Variants in ARR3 observed in about 807,000 individuals in gnomAD.
The protein encoded by ARR3 is arrestin 3, also known as arrestin-C.
ARR3 carries 14 observed loss-of-function variants against 35.4 expected under a neutral mutation model. The ratio of observed to expected loss-of-function variants is 0.40; its 90% CI spans 0.26 to 0.62. The LOEUF is 0.62. ARR3 is among the 20% of genes least tolerant of loss of function. ARR3 has a pLI of 0.46. For synonymous variants in ARR3, 97 were observed against 119.1 expected, an observed-to-expected ratio of 0.81 and a Z score of 1.21; for missense variants, 259 against 303.8, an observed-to-expected ratio of 0.85 and a Z score of 1.10.
At chrX:70,272,677 C>G (rs1263641512) in intron 5 of ARR3, among the ~76,000 whole-genome samples, 1 of 111,898 alleles carries the variant, frequency 8.9e-6, no homozygotes, top group Admixed American at 9.5e-5. Context: ...AAATTGCCCT[C>G]TAAAATGCTT....
Position 70,280,263 on chromosome X carries a change from T to C in ARR3, c.974T>C (p.Met325Thr), listed in dbSNP as rs764654209. 8.3e-7 allele frequency: 1 copy of C among 1,209,995 alleles called. No homozygotes were observed. The highest frequency in any genetic ancestry group is 1.7e-5 in the African/African-American group (1 of 57,638). The stretch of plus-strand genomic sequence containing the variant: ...TCCTACAAAGTCAGAGTCAACCTGA[T>C]GGTGTCCTGTGGTGGGTAAGTGAGG... Reference protein sequence around the residue: ...LVSYKVRVNLMVSCGGILGDL... With the variant: ...LVSYKVRVNLTVSCGGILGDL... The change falls in exon 13 of 17, where the codon ATG becomes ACG. Residue 325 changes from methionine (M) to threonine (T), a missense_variant. Physicochemically the swap from Met to Thr is moderately conservative, Grantham distance 81 (BLOSUM62 -1). Coordinates refer to ENST00000307959, the MANE Select transcript of ARR3 (RefSeq NM_004312.3).
intron 13 of ARR3, 90 bp downstream of exon 13, chrX:70,280,368 C>G: frequency 9.9e-7 from 1 of 1,009,655 alleles, no homozygotes; most frequent in Non-Finnish European, 1.4e-6. Flanking sequence ...TTGACCCAAT[C>G]AAACCATTCC....
At chrX:70,276,843 G>A (rs2085655487) in intron 8 of ARR3, 107 bp downstream of exon 8, 1 of 710,906 alleles carries the variant, frequency 1.4e-6, no homozygotes, top group Admixed American at 3.0e-5. Flanking sequence ...CAGCCTCATC[G>A]CCACCAGTGA....
rs774286761 is a variant in ARR3, at chrX:70,269,711, G to A, written c.39+19G>A. 7.5e-6 allele frequency: 9 copies of A among 1,202,968 alleles called. No individual in the cohort carries two copies. Among genetic ancestry groups the A allele is most frequent in the Middle Eastern group, 2.3e-4 (1 of 4,367 alleles). On this transcript the variant is annotated intron_variant, in intron 3 of 16. Transcript: ENST00000307959. ...TGGGAAGGTGAGAGAACCTGGCCCA[G>A]CTGGGCAAATGAGAGGGCAAAAGGG...
At chrX:70,279,029 C>T (rs1437415712) in intron 12 of ARR3, among the ~76,000 whole-genome samples, 1 of 112,785 alleles carries the variant, frequency 8.9e-6, no homozygotes, top group Admixed American at 9.3e-5. Flanking sequence ...GAAGAAGGAA[C>T]TCACTTAAAG....
At chrX:70,275,034 A>T (rs1602721424) in intron 5 of ARR3, among the ~76,000 whole-genome samples, 1 of 112,303 alleles carries the variant, frequency 8.9e-6, no homozygotes, top group East Asian at 2.8e-4. Context: ...AGATTTTTAG[A>T]TTATCTCCAG....
At chrX:70,275,928 C>T (rs767698064) in intron 5 of ARR3, among the ~76,000 whole-genome samples, 154 bp from the exon 6 acceptor site, 15 of 109,959 alleles carry the variant, frequency 1.4e-4, no homozygotes, top group Non-Finnish European at 2.3e-4. Context: ...CCACCCACCT[C>T]GGCCTCCCAA....
In ARR3 at chrX:70,278,556, A is replaced by G. The variant is rs779888506; in HGVS notation, c.820A>G (p.Ile274Val). The G allele has an allele frequency of 6.6e-6, 8 of 1,211,594 alleles. No individual in the cohort carries two copies. Among genetic ancestry groups the G allele is most frequent in the Non-Finnish European group, 4.5e-6 (4 of 895,304 alleles). ...CTCCCAGAGCTTTGCAGTAACCCCA[A>G]TCCTGGCTGCCAGCTGCCAGAAACG... Reference protein sequence around the residue: ...SFSQSFAVTPILAASCQKRGL... With the variant: ...SFSQSFAVTPVLAASCQKRGL... Residue 274 changes from isoleucine to valine, a missense_variant, in exon 12 of 17, where the codon ATC (isoleucine) becomes GTC (valine). By Grantham distance (29) the Ile-to-Val change is conservative (BLOSUM62 3). Coordinates refer to ENST00000307959, the MANE Select transcript of ARR3 (RefSeq NM_004312.3).
At chrX:70,278,178 TG>T (rs778259320) in intron 11 of ARR3, 40 bp downstream of exon 11, 6 of 1,083,385 alleles carry the variant, frequency 5.5e-6, no homozygotes, top group Non-Finnish European at 6.2e-6. Context: ...AGCCAAGGGG[TG>T]GGGTGGTGGG....
At chrX:70,279,322 C>A (rs1320656250) in intron 12 of ARR3, among the ~76,000 whole-genome samples, 3 of 112,400 alleles carry the variant, frequency 2.7e-5, no homozygotes, top group Non-Finnish European at 5.6e-5. Context: ...AAGTGTAATC[C>A]CTCCATCTCT....
At chrX:70,278,167 G>C (rs372441753) in intron 11 of ARR3, 29 bp downstream of exon 11, 4 of 1,177,020 alleles carry the variant, frequency 3.4e-6, no homozygotes, top group Non-Finnish European at 4.6e-6. Context: ...TAGGACCAGA[G>C]AGCCAAGGGG....
At chrX:70,281,846 C>T (rs779683389), downstream of ARR3, 113 of 812,681 alleles carry the variant, frequency 1.4e-4, no homozygotes, top group Non-Finnish European at 1.8e-4. Flanking sequence ...ATGTGCCTAG[C>T]GATCTCTTGC....
At chrX:70,273,981 C>T (rs1384356564) in intron 5 of ARR3, among the ~76,000 whole-genome samples, 1 of 109,826 alleles carries the variant, frequency 9.1e-6, no homozygotes, top group Non-Finnish European at 1.9e-5. Context: ...GTTTGCCTCC[C>T]TCCCTCCCTA....
intron 5 of ARR3, 23 bp from the exon 6 acceptor site, chrX:70,276,059 C>G (rs367572028): frequency 5.8e-6 from 7 of 1,208,000 alleles, no homozygotes; most frequent in Non-Finnish European, 7.8e-6. Context: ...TGACAGACCA[C>G]TCTCTTCCTC....
At chrX:70,275,107 G>T (rs1299291208) in intron 5 of ARR3, among the ~76,000 whole-genome samples, 1 of 112,280 alleles carries the variant, frequency 8.9e-6, no homozygotes, top group African/African-American at 3.2e-5. Context: ...CTGAACAAAA[G>T]CTCCTTTAAA....
chrX:70,276,004 C>G, intron 5 of ARR3, 78 bp from the exon 6 acceptor site: 1 of 1,068,494 alleles, frequency 9.4e-7, no homozygotes, highest in Non-Finnish European at 1.3e-6. Context: ...CATCACCTCT[C>G]TGTGTCTTCT....
In ARR3 at chrX:70,280,753, G is replaced by A; in HGVS notation, c.1014-13G>A. ...GAGAGAGGAGATGTAACTCCACCTT[G>A]GGATCCTTGCAGCGATGTTGGTGTG... is the stretch of plus-strand genomic sequence containing the variant. On this transcript the variant is annotated splice_polypyrimidine_tract_variant and intron_variant, in intron 14 of 16. Transcript: ENST00000307959. The A allele has an allele frequency of 8.3e-7, 1 of 1,211,359 alleles. No individual in the cohort carries two copies. Among genetic ancestry groups the A allele is most frequent in the Non-Finnish European group, 1.1e-6 (1 of 895,312 alleles).
rs1569219774 is a variant in ARR3, at chrX:70,269,867, G to A, written c.64G>A (p.Asp22Asn). 8.3e-7 allele frequency: 1 copy of A among 1,209,094 alleles called. No homozygotes were observed. Among genetic ancestry groups the A allele is most frequent in the Non-Finnish European group, 1.1e-6 (1 of 894,187 alleles). ...GCTCTCCATCTACCTGGGGAAACGG[G>A]ACTTCGTGGACCATGTGGACACGGT... ...GKLSIYLGKR[D>N]FVDHVDTVEP... The change falls in exon 4 of 17, where the codon GAC becomes AAC. Residue 22 changes from aspartate (D) to asparagine (N), a missense_variant. Asp to Asn is a conservative substitution (Grantham distance 23, BLOSUM62 1). Transcript: ENST00000307959.
intron 5 of ARR3, among the ~76,000 whole-genome samples, chrX:70,274,743 C>T (rs1191273513): frequency 8.9e-6 from 1 of 112,127 alleles, no homozygotes; most frequent in Admixed American, 9.4e-5. Context: ...ACATTGTGTC[C>T]TCACATGGTG....
Sources: allele counts gnomAD v4.1 joint callset (sites outside exome capture counted in the v4.1 genomes callset), GRCh38; gene constraint gnomAD v4.1.1; transcripts MANE v1.5; gene names NCBI Gene and HGNC (gene_info 2026-07-23, HGNC 2026-07-21).